IL1RAP: variants seen among roughly 807,000 people sequenced by gnomAD.
IL1RAP encodes interleukin 1 receptor accessory protein, also known as interleukin-1 receptor accessory protein.
A neutral mutation model predicts 60.7 loss-of-function variants in IL1RAP; 35 were observed. The ratio of observed to expected loss-of-function variants is 0.58; its 90% CI spans 0.44 to 0.76. The LOEUF is 0.76. IL1RAP is among the 30% of genes least tolerant of loss of function. The pLI is 0.00. For synonymous variants in IL1RAP, 268 were observed against 250.9 expected (o/e 1.07, Z -0.64); for missense variants, 572 against 693.9 (o/e 0.82, Z 1.97).
intron 10 of IL1RAP, among the ~76,000 whole-genome samples, chr3:190,644,851 AATTCAAACCAGCCACATTTC>A (rs1203541182): frequency 1.3e-5 from 2 of 152,214 alleles, no homozygotes; most frequent in Non-Finnish European, 2.9e-5. Context: ...AGCACATCTC[AATTCAAACCAGCCACATTTC>A]GAGTGAGCAA....
intron 1 of IL1RAP, among the ~76,000 whole-genome samples, chr3:190,526,216 C>T (rs993459496): frequency 2.6e-5 from 4 of 152,232 alleles, no homozygotes; most frequent in Admixed American, 6.5e-5. Context: ...TTTGAAGTCT[C>T]GGAATAACCG....
At position 190,568,188 on chromosome 3, in the gene IL1RAP, G is replaced by C. The variant is rs78520985; in HGVS notation, c.64+3835G>C. On this transcript the variant is annotated intron_variant, in intron 3 of 11. Coordinates refer to ENST00000447382, the MANE Select transcript of IL1RAP (RefSeq NM_002182.4). ...TTTATTTCAAAGTCAACAGTTGACTGTGTGCCAGGTGCAGGGCTGGATTTC... is the reference window on the plus strand; with the variant it reads ...TTTATTTCAAAGTCAACAGTTGACTCTGTGCCAGGTGCAGGGCTGGATTTC... Among the ~76,000 whole-genome samples, 29 of 152,302 alleles carry C rather than the reference G, an allele frequency of 1.9e-4. No homozygotes were observed. In the East Asian group the frequency reaches 5.2e-3, roughly 27 times the overall value.
intron 10 of IL1RAP, among the ~76,000 whole-genome samples, chr3:190,644,749 C>T (rs1160674070): frequency 6.6e-6 from 1 of 152,064 alleles, no homozygotes; most frequent in African/African-American, 2.4e-5. Context: ...TTTTAGCATG[C>T]AATTAATATT....
intron 5 of IL1RAP, among the ~76,000 whole-genome samples, chr3:190,618,587 C>G (rs536602373): frequency 2.0e-4 from 30 of 152,234 alleles, no homozygotes; most frequent in African/African-American, 7.0e-4. Flanking sequence ...GCTAAGCTAA[C>G]AAATGAGGGG....
At chr3:190,551,064 CA>C (rs1724818600) in intron 1 of IL1RAP, among the ~76,000 whole-genome samples, 1 of 152,164 alleles carries the variant, frequency 6.6e-6, no homozygotes, top group Admixed American at 6.5e-5. Context: ...TTTGTATCTT[CA>C]AATACCTATG....
rs148688668 is a variant in IL1RAP, at chr3:190,627,348, G to A, written c.801G>A (p.Thr267=). ...GAGAGGAGCTACTCATTCCCTGTAC[G>A]GTCTATTTTAGTTTTCTGATGGATT... ...EPGEELLIPC[T]VYFSFLMDSR... The change falls in exon 8 of 12, where the codon ACG becomes ACA. Residue 267 remains threonine (T), a synonymous_variant. Transcript: ENST00000447382. 3.4e-5 allele frequency: 54 copies of A among 1,610,722 alleles called. No individual in the cohort carries two copies. Among genetic ancestry groups the A allele is most frequent in the Admixed American group, 2.7e-4 (16 of 59,710 alleles).
chr3:190,590,537 T>C (rs572989751), intron 3 of IL1RAP, among the ~76,000 whole-genome samples: 4 of 152,260 alleles, frequency 2.6e-5, no homozygotes, highest in African/African-American at 9.6e-5. Context: ...TTACAAGGTG[T>C]GAGCCACCGT....
At chr3:190,607,547 T>C (rs1266070558) in intron 4 of IL1RAP, among the ~76,000 whole-genome samples, 1 of 151,904 alleles carries the variant, frequency 6.6e-6, no homozygotes, top group African/African-American at 2.4e-5. Context: ...AAAGGAAATG[T>C]CCAAGGTGCT....
At position 190,648,735 on chromosome 3, in the gene IL1RAP, A is replaced by T. The variant is rs191035636; in HGVS notation, c.*30A>T. ...AATAATGAAAAGGGTAAAAAGAACA[A>T]GGGGTGCTCCAGGAAGAAAGAGTCC... On this transcript the variant is annotated 3_prime_UTR_variant, in exon 12 of 12. Coordinates refer to ENST00000447382, the MANE Select transcript of IL1RAP (RefSeq NM_002182.4). 1.0e-3 allele frequency: 1,618 copies of T among 1,570,134 alleles called. 3 individuals are homozygous for T. Among genetic ancestry groups the T allele is most frequent in the Admixed American group, 5.8e-3 (301 of 52,290 alleles).
At chr3:190,548,044 A>C (rs1724537895) in intron 1 of IL1RAP, among the ~76,000 whole-genome samples, 1 of 152,006 alleles carries the variant, frequency 6.6e-6, no homozygotes, top group Non-Finnish European at 1.5e-5. Flanking sequence ...GAATTGGGGG[A>C]ATGATACTAG....
At chr3:190,562,899 C>T (rs961846386) in intron 2 of IL1RAP, among the ~76,000 whole-genome samples, 1 of 152,054 alleles carries the variant, frequency 6.6e-6, no homozygotes, top group African/African-American at 2.4e-5. Context: ...GGGAAGAAAA[C>T]ATCATTTAAT....
Position 190,645,787 on chromosome 3 carries a change from G to T in IL1RAP, c.1290G>T (p.Glu430Asp). The change falls in exon 11 of 12, where the codon GAG (glutamate) becomes GAT (aspartate). Residue 430 changes from glutamate to aspartate, a missense_variant. By Grantham distance (45) the Glu-to-Asp change is conservative. Transcript: ENST00000447382. ...TACTGACCCTCCGTGGAGTTTTGGAGAATGAATTTGGATACAAGCTGTGCA... is the reference window on the plus strand; with the variant it reads ...TACTGACCCTCCGTGGAGTTTTGGATAATGAATTTGGATACAAGCTGTGCA... ...FVLLTLRGVL[E>D]NEFGYKLCIF... The T allele has an allele frequency of 1.9e-6, 3 of 1,613,852 alleles. No homozygotes were observed. The highest frequency in any genetic ancestry group is 2.5e-6 in the Non-Finnish European group (3 of 1,179,798).
chr3:190,574,016 G>A (rs1310356682), intron 3 of IL1RAP, among the ~76,000 whole-genome samples: 1 of 152,152 alleles, frequency 6.6e-6, no homozygotes, highest in African/African-American at 2.4e-5. Flanking sequence ...ATAGAAGTAA[G>A]TGGTAAAATT....
At chr3:190,605,583 A>T (rs542633294) in intron 4 of IL1RAP, among the ~76,000 whole-genome samples, 2 of 152,168 alleles carry the variant, frequency 1.3e-5, no homozygotes, top group South Asian at 4.1e-4. Context: ...AGTGTGGGTG[A>T]CTTTAACAAA....
At chr3:190,579,650 G>T (rs1427179240) in intron 3 of IL1RAP, among the ~76,000 whole-genome samples, 1 of 151,846 alleles carries the variant, frequency 6.6e-6, no homozygotes. Context: ...AGACACATTA[G>T]TCGTGCTGCC....
At chr3:190,600,163 T>C (rs529154706) in intron 3 of IL1RAP, among the ~76,000 whole-genome samples, 1 of 152,320 alleles carries the variant, frequency 6.6e-6, no homozygotes, top group East Asian at 1.9e-4. Flanking sequence ...CTCGTTAAAC[T>C]TGAGCTTTTC....
chr3:190,591,077 G>T (rs1728899997), intron 3 of IL1RAP, among the ~76,000 whole-genome samples: 2 of 152,168 alleles, frequency 1.3e-5, no homozygotes, highest in Admixed American at 6.5e-5. Flanking sequence ...CTTTGTCACA[G>T]GTGAATCTCC....
At chr3:190,620,250 CT>C (rs11368884) in intron 5 of IL1RAP, 24 bp from the exon 6 acceptor site, 1,982 of 1,010,406 alleles carry the variant, frequency 2.0e-3, no homozygotes, top group Middle Eastern at 2.6e-3. Flanking sequence ...AAAAAGTAAA[CT>C]TTTTTTTTTT....
intron 6 of IL1RAP, among the ~76,000 whole-genome samples, chr3:190,621,039 C>A (rs1183026981): frequency 6.6e-6 from 1 of 152,184 alleles, no homozygotes; most frequent in Non-Finnish European, 1.5e-5. Context: ...ACAGAGTTGA[C>A]AAACTCCTAG....
Sources: gnomAD v4.1 joint callset for allele counts (sites outside exome capture counted in the v4.1 genomes callset) on GRCh38, gnomAD v4.1.1 for gene constraint, MANE v1.5 for transcripts, NCBI Gene and HGNC (gene_info 2026-07-23, HGNC 2026-07-21) for gene names.